Variants in ZNF501 observed in about 807,000 individuals in gnomAD.
The protein encoded by ZNF501 is zinc finger protein 52.
ZNF501 carries 7 observed loss-of-function variants against 5.7 expected under a neutral mutation model. The observed-to-expected ratio is 1.24, with a 90% CI of 0.70 to 2.32. ZNF501 has a LOEUF of 2.32. ZNF501 is among the 30% of genes most tolerant of loss of function. ZNF501 has a pLI of 0.00. For missense variants in ZNF501, 352 were observed against 321.1 expected (o/e 1.10, Z -0.73); for synonymous variants, 107 against 101.9 (o/e 1.05, Z -0.30).
chr3:44,734,597 T>C lies in ZNF501; in HGVS notation c.176T>C (p.Phe59Ser), dbSNP rs1276416194. 1 of 1,614,048 alleles carries C rather than the reference T, an allele frequency of 6.2e-7. No individual in the cohort carries two copies. The highest frequency in any genetic ancestry group is 2.2e-5 in the East Asian group (1 of 44,888). The change falls in exon 3 of 3, where the codon TTC becomes TCC. Residue 59 changes from phenylalanine to serine, a missense_variant. Physicochemically the swap from Phe to Ser is radical, Grantham distance 155 (BLOSUM62 -2). Coordinates refer to ENST00000620116, the MANE Select transcript of ZNF501 (RefSeq NM_001258280.2). ...PYVCSECGSC[F>S]RKQSNLTQHL... is the part of the protein sequence containing the mutation. Reference sequence around the variant, plus strand: ...GTGTGCAGTGAATGTGGAAGTTGTTTCCGTAAACAGTCAAATCTTACTCAA... The same window carrying C: ...GTGTGCAGTGAATGTGGAAGTTGTTCCCGTAAACAGTCAAATCTTACTCAA...
rs1393349378 is a variant in ZNF501, at chr3:44,734,819, C to T, written c.398C>T (p.Pro133Leu). The change falls in exon 3 of 3, where the codon CCA (proline) becomes CTA (leucine). Residue 133 changes from proline (P) to leucine (L), a missense_variant. By Grantham distance (98) the Pro-to-Leu change is moderately conservative. Coordinates refer to ENST00000620116, the MANE Select transcript of ZNF501 (RefSeq NM_001258280.2). ...CAGCGAATTCATACTGGAGAGAAAC[C>T]ATATAAATGTACAGAATGTGGCAAA... ...KHQRIHTGEKPYKCTECGKAF... is the reference protein window; with the variant it reads ...KHQRIHTGEKLYKCTECGKAF... The T allele has an allele frequency of 1.2e-6, 2 of 1,613,916 alleles. No individual in the cohort carries two copies. Among genetic ancestry groups the T allele is most frequent in the South Asian group, 2.2e-5 (2 of 91,074 alleles).
chr3:44,736,490 C>T lies in ZNF501; in HGVS notation c.*1253C>T, dbSNP rs1704702642. Reference sequence around the variant, plus strand: ...TTTGCAGTTCTGGTTTATATAATACCAAAGTCACATACAGGTAATTTCCCA... The same window carrying T: ...TTTGCAGTTCTGGTTTATATAATACTAAAGTCACATACAGGTAATTTCCCA... On this transcript the variant is annotated 3_prime_UTR_variant, in exon 3 of 3. Coordinates refer to ENST00000620116, the MANE Select transcript of ZNF501 (RefSeq NM_001258280.2). 6.0e-6 allele frequency: 1 copy of T among 166,824 alleles called. No homozygotes were observed. The highest frequency in any genetic ancestry group is 6.6e-5 in the Admixed American group (1 of 15,260). The allele number at this position is 166,824 out of a possible 1,614,324, so 10.3% of individuals were successfully genotyped here.
In ZNF501 at chr3:44,734,873, G is replaced by A. The variant is rs747248884; in HGVS notation, c.452G>A (p.Arg151His). Residue 151 changes from arginine to histidine, a missense_variant, in exon 3 of 3, where the codon CGT becomes CAT. Physicochemically the swap from Arg to His is conservative, Grantham distance 29. Transcript: ENST00000620116. ...TTCAGTCAGAGCATATGCCTTACTCGTCATCAGAGAAGTCATTCTGGAGAT... is the reference window on the plus strand; with the variant it reads ...TTCAGTCAGAGCATATGCCTTACTCATCATCAGAGAAGTCATTCTGGAGAT... ...KAFSQSICLTRHQRSHSGDKP... is the reference protein window; with the variant it reads ...KAFSQSICLTHHQRSHSGDKP... 2.2e-5 allele frequency: 35 copies of A among 1,613,628 alleles called. No individual in the cohort carries two copies. Among genetic ancestry groups the A allele is most frequent in the East Asian group, 1.1e-4 (5 of 44,882 alleles).
chr3:44,735,634 A>G lies in ZNF501; in HGVS notation c.*397A>G, dbSNP rs1704687758. On this transcript the variant is annotated 3_prime_UTR_variant, in exon 3 of 3. Coordinates refer to ENST00000620116, the MANE Select transcript of ZNF501 (RefSeq NM_001258280.2). ...TCATAATGTATTGTTTCTTAAGAAC[A>G]TTTTGTAATTGGGCTATGATTTTAT... 1 of 175,414 alleles carries G rather than the reference A, an allele frequency of 5.7e-6. No individual in the cohort carries two copies. The highest frequency in any genetic ancestry group is 5.9e-5 in the Admixed American group (1 of 16,940). 10.9% of individuals were successfully genotyped at this position (175,414 alleles called of 1,614,324 possible).
rs992529825 is a variant in ZNF501 at position 44,736,982 on chromosome 3, A to G, written c.*1745A>G. 1.7e-4 allele frequency: 28 copies of G among 164,484 alleles called. No individual in the cohort carries two copies. The highest frequency in any genetic ancestry group is 6.9e-4 in the African/African-American group (28 of 40,468). 10.2% of individuals were successfully genotyped at this position (164,484 alleles called of 1,614,324 possible). A position where few individuals can be genotyped will look rare whatever the true frequency, so the allele number is the denominator to read the frequency against. Reference sequence around the variant, plus strand: ...CTTTTTTTTTCTTTTTTCTTTTTTTAAAGAAATGGTAGCATAATATACACA... The same window carrying G: ...CTTTTTTTTTCTTTTTTCTTTTTTTGAAGAAATGGTAGCATAATATACACA... On this transcript the variant is annotated 3_prime_UTR_variant, in exon 3 of 3. Transcript: ENST00000620116.
Position 44,735,050 on chromosome 3 carries a change from G to T in ZNF501, c.629G>T (p.Arg210Met). The T allele has an allele frequency of 6.2e-7, 1 of 1,614,146 alleles. No individual in the cohort carries two copies. Among genetic ancestry groups the T allele is most frequent in the Non-Finnish European group, 8.5e-7 (1 of 1,180,008 alleles). Residue 210 changes from arginine (R) to methionine (M), a missense_variant, in exon 3 of 3, where the codon AGG (arginine) becomes ATG (methionine). By Grantham distance (91) the Arg-to-Met change is moderately conservative. Transcript: ENST00000620116. ...AACTCTTCCCTTGTTGAACATGAAA[G>T]GACTCACACTGGAGAGAAACTTTAT... ...TQNSSLVEHE[R>M]THTGEKLYKC... is the part of the protein sequence containing the mutation.
chr3:44,729,969 A>G lies in ZNF501; in HGVS notation c.-357A>G, dbSNP rs1704584012. ...CTTTAGTTTTCTGATTTCCAGAAGT[A>G]AATACTGTTTCCTGCCTTGCCGTTT... On this transcript the variant is annotated 5_prime_UTR_variant, in exon 1 of 3. Coordinates refer to ENST00000620116, the MANE Select transcript of ZNF501 (RefSeq NM_001258280.2). The G allele has an allele frequency of 6.6e-6, 1 of 152,256 alleles. No homozygotes were observed. Among genetic ancestry groups the G allele is most frequent in the Non-Finnish European group, 1.5e-5 (1 of 68,048 alleles). 9.4% of individuals were successfully genotyped at this position (152,256 alleles called of 1,614,324 possible).
rs747486640 is a variant in ZNF501 at position 44,734,414 on chromosome 3, C to A, written c.-8C>A. ...ACTTGTAAGTATGAATTTGGTGTTA[C>A]AAGCAGCATGAATTCCAGCCAAATA... On this transcript the variant is annotated 5_prime_UTR_variant, in exon 3 of 3. Transcript: ENST00000620116. The A allele has an allele frequency of 2.1e-5, 34 of 1,608,126 alleles. No individual in the cohort carries two copies. In the Middle Eastern group the frequency reaches 1.3e-3, roughly 63 times the overall value.
rs747486640 is a variant in ZNF501 at position 44,734,414 on chromosome 3, C to T, written c.-8C>T. On this transcript the variant is annotated 5_prime_UTR_variant, in exon 3 of 3. The change creates a premature stop within an existing upstream ORF in the 5' untranslated region. Coordinates refer to ENST00000620116, the MANE Select transcript of ZNF501 (RefSeq NM_001258280.2). ...ACTTGTAAGTATGAATTTGGTGTTA[C>T]AAGCAGCATGAATTCCAGCCAAATA... The T allele has an allele frequency of 1.2e-6, 2 of 1,608,126 alleles. No homozygotes were observed. Among genetic ancestry groups the T allele is most frequent in the Non-Finnish European group, 1.7e-6 (2 of 1,176,110 alleles).
In ZNF501 at chr3:44,729,707, C is replaced by T. The variant is rs1575549593; in HGVS notation, c.-619C>T. ...CGAGAGGGGAGCGCCGCGGGGAGCG[C>T]CGCGGGAAGCGCATGGTGAGCGGTT... On this transcript the variant is annotated 5_prime_UTR_variant, in exon 1 of 3. Transcript: ENST00000620116. 6.6e-6 allele frequency: 1 copy of T among 152,460 alleles called. No homozygotes were observed. The highest frequency in any genetic ancestry group is 2.4e-5 in the African/African-American group (1 of 41,440). The allele number at this position is 152,460 out of a possible 1,614,324, so 9.4% of individuals were successfully genotyped here.
Position 44,735,435 on chromosome 3 carries a change from T to C in ZNF501, c.*198T>C. On this transcript the variant is annotated 3_prime_UTR_variant, in exon 3 of 3. Coordinates refer to ENST00000620116, the MANE Select transcript of ZNF501 (RefSeq NM_001258280.2). ...TCAGTGGGTGTAACCTTATCCCTTC[T>C]GAGCCTCAGTTTCCCCATTCCCCCC... The C allele has an allele frequency of 2.3e-6, 1 of 438,922 alleles. No individual in the cohort carries two copies. Among genetic ancestry groups the C allele is most frequent in the Non-Finnish European group, 4.1e-6 (1 of 241,788 alleles). 27.2% of individuals were successfully genotyped at this position (438,922 alleles called of 1,614,324 possible). A position where few individuals can be genotyped will look rare whatever the true frequency, so the allele number is the denominator to read the frequency against.
chr3:44,735,477 TA>T lies in ZNF501; in HGVS notation c.*241del. 2 of 371,842 alleles carry T rather than the reference TA, an allele frequency of 5.4e-6. No homozygotes were observed. Among genetic ancestry groups the T allele is most frequent in the Non-Finnish European group, 5.1e-6 (1 of 197,608 alleles). The allele number at this position is 371,842 out of a possible 1,614,324, so 23.0% of individuals were successfully genotyped here. On this transcript the variant is annotated 3_prime_UTR_variant, in exon 3 of 3. Coordinates refer to ENST00000620116, the MANE Select transcript of ZNF501 (RefSeq NM_001258280.2). ...ATTCCCCCCAATAGAAAAATGGGGA[TA>T]TTTCCTAGGGTTGTCCTGAGAATAA... is the stretch of plus-strand genomic sequence containing the variant.
rs950671140 is a variant in ZNF501 at position 44,735,310 on chromosome 3, T to G, written c.*73T>G. On this transcript the variant is annotated 3_prime_UTR_variant, in exon 3 of 3. Transcript: ENST00000620116. Reference sequence around the variant, plus strand: ...TTTTTCTCCTAAATTCCTAGGAATGTAAGACTCAATCTGTAGCTAGTATGA... The same window carrying G: ...TTTTTCTCCTAAATTCCTAGGAATGGAAGACTCAATCTGTAGCTAGTATGA... The G allele has an allele frequency of 4.0e-6, 5 of 1,253,380 alleles. No homozygotes were observed. The African/African-American group carries it at 6.1e-5, about 15-fold the overall frequency. The allele number at this position is 1,253,380 out of a possible 1,614,324, so 77.6% of individuals were successfully genotyped here. A position where few individuals can be genotyped will look rare whatever the true frequency, so the allele number is the denominator to read the frequency against.
Position 44,736,878 on chromosome 3 carries a change from C to A in ZNF501, c.*1641C>A, listed in dbSNP as rs551553585. ...TCCTTGTATATTTTGTATAACAGACCTTTATCAGATAGGTCTTTTGCAAAT... is the reference window on the plus strand; with the variant it reads ...TCCTTGTATATTTTGTATAACAGACATTTATCAGATAGGTCTTTTGCAAAT... On this transcript the variant is annotated 3_prime_UTR_variant, in exon 3 of 3. Transcript: ENST00000620116. 1 of 166,706 alleles carries A rather than the reference C, an allele frequency of 6.0e-6. No individual in the cohort carries two copies. The highest frequency in any genetic ancestry group is 1.5e-5 in the Non-Finnish European group (1 of 68,110). 10.3% of individuals were successfully genotyped at this position (166,706 alleles called of 1,614,324 possible). A position where few individuals can be genotyped will look rare whatever the true frequency, so the allele number is the denominator to read the frequency against.
rs150889474 is a variant in ZNF501 at position 44,733,031 on chromosome 3, T to C, written c.-225-1166T>C. ...AGAGACAGCATCTCACTATGTTGCCTAGGCTGCTCTTAAAACTCCTGGCCT... is the reference window on the plus strand; with the variant it reads ...AGAGACAGCATCTCACTATGTTGCCCAGGCTGCTCTTAAAACTCCTGGCCT... On this transcript the variant is annotated intron_variant, in intron 2 of 2. Transcript: ENST00000620116. 2.8e-3 allele frequency among the ~76,000 whole-genome samples: 424 copies of C among 152,276 alleles called. 4 individuals carry two copies. The highest frequency in any genetic ancestry group is 8.9e-3 in the African/African-American group (371 of 41,558).
At position 44,734,346 on chromosome 3, in the gene ZNF501, A is replaced by G; in HGVS notation, c.-76A>G. On this transcript the variant is annotated 5_prime_UTR_variant, in exon 3 of 3. Coordinates refer to ENST00000620116, the MANE Select transcript of ZNF501 (RefSeq NM_001258280.2). ...CACACACACAGTAACCTTTCCTAGG[A>G]GAACTGTATTACTCTAATGATAATC... is the stretch of plus-strand genomic sequence containing the variant. 7.8e-7 allele frequency: 1 copy of G among 1,286,452 alleles called. No homozygotes were observed. The highest frequency in any genetic ancestry group is 2.1e-5 in the Admixed American group (1 of 47,970). 79.7% of individuals were successfully genotyped at this position (1,286,452 alleles called of 1,614,324 possible).
chr3:44,733,847 GAT>G (rs1377643843), intron 2 of ZNF501, among the ~76,000 whole-genome samples: 1 of 152,222 alleles, frequency 6.6e-6, no homozygotes, highest in Non-Finnish European at 1.5e-5. Context: ...GGATTGGTGA[GAT>G]AGGCCTAGTG....
In ZNF501 at chr3:44,734,663, A is replaced by G. The variant is rs1185335517; in HGVS notation, c.242A>G (p.Asn81Ser). 1 of 1,614,052 alleles carries G rather than the reference A, an allele frequency of 6.2e-7. No homozygotes were observed. Among genetic ancestry groups the G allele is most frequent in the Non-Finnish European group, 8.5e-7 (1 of 1,180,022 alleles). Residue 81 changes from asparagine (N) to serine (S), a missense_variant, in exon 3 of 3, where the codon AAT becomes AGT. By Grantham distance (46) the Asn-to-Ser change is conservative. Transcript: ENST00000620116. ...IHTGEKPYKCNECEKAFQTKA... is the reference protein window; with the variant it reads ...IHTGEKPYKCSECEKAFQTKA... Reference sequence around the variant, plus strand: ...ACCGGAGAGAAACCTTATAAATGTAATGAATGTGAGAAAGCCTTTCAAACA... The same window carrying G: ...ACCGGAGAGAAACCTTATAAATGTAGTGAATGTGAGAAAGCCTTTCAAACA...
chr3:44,732,248 A>G (rs1437164643), intron 2 of ZNF501: 2 of 152,354 alleles, frequency 1.3e-5, no homozygotes, highest in South Asian at 2.1e-4. Context: ...GTCCATTAAA[A>G]TACTATTATT....
Sources: allele counts gnomAD v4.1 joint callset (sites outside exome capture counted in the v4.1 genomes callset), GRCh38; gene constraint gnomAD v4.1.1; transcripts MANE v1.5; gene names NCBI Gene and HGNC (gene_info 2026-07-23, HGNC 2026-07-21).